Variants in IQCM observed in about 807,000 individuals in gnomAD.
IQCM encodes the protein IQ domain-containing protein M.
In IQCM, 45 loss-of-function variants were observed where a neutral mutation model predicts 57.6. The observed-to-expected ratio is 0.78, with a 90% CI of 0.62 to 1.00. IQCM has a LOEUF of 1.00. IQCM is among the 50% of genes least tolerant of loss of function. IQCM has a pLI of 0.00. For missense variants in IQCM, 468 were observed against 511.6 expected (o/e 0.91, Z 0.82); for synonymous variants, 148 against 158.9 (o/e 0.93, Z 0.51).
chr4:149,479,031 A>T (rs1230317511), intron 12 of IQCM, among the ~76,000 whole-genome samples: 1 of 152,148 alleles, frequency 6.6e-6, no homozygotes, highest in Non-Finnish European at 1.5e-5. Context: ...ATAGAATAAA[A>T]ACTTTTGACA....
intron 5 of IQCM, among the ~76,000 whole-genome samples, chr4:149,720,107 T>C (rs1041307420): frequency 3.3e-5 from 5 of 152,234 alleles, no homozygotes; most frequent in Middle Eastern, 3.2e-3. Context: ...TCTGCCTGTG[T>C]TCTTTGTCAA....
At position 149,466,856 on chromosome 4, in the gene IQCM, G is replaced by T. The variant is rs186297507; in HGVS notation, c.1229-33299C>A. Among the ~76,000 whole-genome samples the T allele has an allele frequency of 1.3e-3, 195 of 152,240 alleles. 1 individual carries two copies. The highest frequency in any genetic ancestry group is 4.1e-3 in the African/African-American group (172 of 41,530). ...CCAGCAGATTCAGTCTCTGGTGAAGGTCTGTTCCTCAGAAATAAAACCTTC... is the reference window on the plus strand; with the variant it reads ...CCAGCAGATTCAGTCTCTGGTGAAGTTCTGTTCCTCAGAAATAAAACCTTC... On this transcript the variant is annotated intron_variant, in intron 12 of 13. Transcript: ENST00000636793.
intron 12 of IQCM, among the ~76,000 whole-genome samples, chr4:149,449,418 G>A (rs145613031): frequency 0.015 from 2,143 of 142,012 alleles, 120 homozygotes; most frequent in East Asian, 0.1. Context: ...TATATATATA[G>A]TTCCTGAATT....
intron 7 of IQCM, among the ~76,000 whole-genome samples, chr4:149,623,664 G>A (rs763727073): frequency 1.3e-5 from 2 of 151,988 alleles, no homozygotes; most frequent in African/African-American, 4.8e-5. Flanking sequence ...ACCCTTCCTG[G>A]AGTCAACAAT....
At chr4:149,592,327 G>A (rs1753274057) in intron 8 of IQCM, among the ~76,000 whole-genome samples, 1 of 152,022 alleles carries the variant, frequency 6.6e-6, no homozygotes, top group African/African-American at 2.4e-5. Flanking sequence ...TTGTAAATTT[G>A]TTTAAGTTCT....
intron 13 of IQCM, among the ~76,000 whole-genome samples, chr4:149,395,710 G>C (rs1732174158): frequency 6.6e-6 from 1 of 151,918 alleles, no homozygotes; most frequent in South Asian, 2.1e-4. Flanking sequence ...TCTATCAGGA[G>C]ACAGGAACAT....
chr4:149,448,298 A>C (rs1736729549), intron 12 of IQCM, among the ~76,000 whole-genome samples: 1 of 151,656 alleles, frequency 6.6e-6, no homozygotes, highest in Admixed American at 6.6e-5. Context: ...ATTAGAAAAT[A>C]TTTTGAACTA....
At chr4:149,585,809 G>A (rs961184472) in intron 9 of IQCM, among the ~76,000 whole-genome samples, 1 of 151,574 alleles carries the variant, frequency 6.6e-6, no homozygotes, top group Non-Finnish European at 1.5e-5. Context: ...TTTACTTTCA[G>A]GACCTTGAAG....
intron 2 of IQCM, among the ~76,000 whole-genome samples, chr4:149,763,892 T>C (rs563304207): frequency 3.9e-5 from 6 of 151,908 alleles, no homozygotes; most frequent in African/African-American, 1.2e-4. Flanking sequence ...AGGAGGAAGA[T>C]GTTGGAACAG....
At chr4:149,594,158 A>G (rs896433731) in intron 8 of IQCM, among the ~76,000 whole-genome samples, 17 of 152,204 alleles carry the variant, frequency 1.1e-4, no homozygotes, top group East Asian at 5.8e-4. Flanking sequence ...CTATTCAGGG[A>G]TTCAACTTCT....
chr4:149,369,562 A>G (rs930996284), intron 13 of IQCM, among the ~76,000 whole-genome samples: 8 of 152,206 alleles, frequency 5.3e-5, no homozygotes, highest in African/African-American at 1.7e-4. Context: ...CATTACTATG[A>G]TGATCTACCA....
chr4:149,807,822 A>G (rs1478208623), intron 2 of IQCM, among the ~76,000 whole-genome samples: 1 of 152,150 alleles, frequency 6.6e-6, no homozygotes, highest in East Asian at 1.9e-4. Context: ...CAACAGGTAT[A>G]TGAAAAAATG....
At chr4:149,497,660 T>C (rs890528606) in intron 12 of IQCM, among the ~76,000 whole-genome samples, 1 of 151,392 alleles carries the variant, frequency 6.6e-6, no homozygotes, top group African/African-American at 2.4e-5. Flanking sequence ...AGATAAGATC[T>C]GAGTGGGGAC....
intron 6 of IQCM, among the ~76,000 whole-genome samples, chr4:149,684,760 C>T (rs1221938789): frequency 1.3e-5 from 2 of 151,344 alleles, no homozygotes; most frequent in Non-Finnish European, 3.0e-5. Context: ...TCCCAAAGCA[C>T]TTATTTGTCT....
chr4:149,474,967 G>A (rs1740023024), intron 12 of IQCM, among the ~76,000 whole-genome samples: 1 of 152,110 alleles, frequency 6.6e-6, no homozygotes, highest in South Asian at 2.1e-4. Flanking sequence ...TTGGGGGCCA[G>A]ATAATGCAAG....
intron 13 of IQCM, among the ~76,000 whole-genome samples, chr4:149,364,246 G>A (rs1200496664): frequency 1.3e-5 from 2 of 152,046 alleles, no homozygotes; most frequent in Non-Finnish European, 2.9e-5. Context: ...TATTGTTTTG[G>A]GGAAAATCAG....
intron 12 of IQCM, among the ~76,000 whole-genome samples, chr4:149,464,366 C>T (rs1310997198): frequency 4.6e-5 from 7 of 152,260 alleles, no homozygotes; most frequent in South Asian, 2.1e-4. Flanking sequence ...CTTCCTATCC[C>T]GCAAACTAAA....
chr4:149,708,598 A>T (rs1764334137), intron 5 of IQCM, among the ~76,000 whole-genome samples: 1 of 152,006 alleles, frequency 6.6e-6, no homozygotes, highest in Non-Finnish European at 1.5e-5. Context: ...AAAGAAATGC[A>T]AATTCCTGAT....
intron 5 of IQCM, among the ~76,000 whole-genome samples, chr4:149,694,336 T>G (rs1763169737): frequency 6.8e-6 from 1 of 148,058 alleles, no homozygotes; most frequent in African/African-American, 2.5e-5. Context: ...GCCATTCTCC[T>G]GCCTCAGCCT....
Sources: gnomAD v4.1 joint callset for allele counts (sites outside exome capture counted in the v4.1 genomes callset) on GRCh38, gnomAD v4.1.1 for gene constraint, MANE v1.5 for transcripts, NCBI Gene and HGNC (gene_info 2026-07-23, HGNC 2026-07-21) for gene names.